The following TMC1 variants were observed in gnomAD, a reference collection of about 807,000 sequenced individuals.
TMC1 encodes transmembrane channel-like protein 1.
A neutral mutation model predicts 105.8 loss-of-function variants in TMC1; 84 were observed. The ratio of observed to expected loss-of-function variants is 0.79; its 90% CI spans 0.67 to 0.95. The LOEUF is 0.95. Ranked by LOEUF, TMC1 falls within the 40% of genes least tolerant of loss-of-function variation. TMC1 has a pLI of 0.00. For synonymous variants in TMC1, 315 were observed against 311.5 expected, an observed-to-expected ratio of 1.01 and a Z score of -0.12; for missense variants, 817 against 914.1, an observed-to-expected ratio of 0.89 and a Z score of 1.37.
At chr9:72,729,410 T>G (rs1478528077) in intron 8 of TMC1, among the ~76,000 whole-genome samples, 1 of 152,186 alleles carries the variant, frequency 6.6e-6, no homozygotes, top group Non-Finnish European at 1.5e-5. Flanking sequence ...TTGTTCTTAG[T>G]TTATTTACTG....
chr9:72,758,647 G>A (rs376223952), intron 12 of TMC1, among the ~76,000 whole-genome samples: 6 of 152,148 alleles, frequency 3.9e-5, no homozygotes, highest in Non-Finnish European at 8.8e-5. Context: ...CATAGAATGG[G>A]CAGAGATGTC....
At chr9:72,720,530 A>G (rs1827003868) in intron 8 of TMC1, among the ~76,000 whole-genome samples, 1 of 152,206 alleles carries the variant, frequency 6.6e-6, no homozygotes, top group African/African-American at 2.4e-5. Flanking sequence ...TGAGGTCCCA[A>G]TGGGGGCCAC....
At chr9:72,583,028 C>T (rs1265226263) in intron 2 of TMC1, among the ~76,000 whole-genome samples, 1 of 152,152 alleles carries the variant, frequency 6.6e-6, no homozygotes, top group East Asian at 1.9e-4. Flanking sequence ...TGAGACCAGC[C>T]TGGCCAACAT....
At position 72,603,858 on chromosome 9, in the gene TMC1, T is replaced by TG. The variant is rs1166566081; in HGVS notation, c.-305-12510_-305-12509insG. Among the ~76,000 whole-genome samples the TG allele has an allele frequency of 4.2e-3, 598 of 141,366 alleles. 4 individuals are homozygous for TG. Among genetic ancestry groups the TG allele is most frequent in the Middle Eastern group, 0.025 (7 of 282 alleles). 92.7% of individuals were successfully genotyped at this position (141,366 alleles called of 152,430 possible). On this transcript the variant is annotated intron_variant, in intron 2 of 23. Coordinates refer to ENST00000297784, the MANE Select transcript of TMC1 (RefSeq NM_138691.3). Reference sequence around the variant, plus strand: ...CCACTGCGACCGGCTGTTTTTTTTTTTTTTTTTTTTTTTTTTTTCTTTTTT... The same window carrying TG: ...CCACTGCGACCGGCTGTTTTTTTTTTGTTTTTTTTTTTTTTTTTTCTTTTTT...
intron 1 of TMC1, among the ~76,000 whole-genome samples, chr9:72,570,276 A>C (rs1824253972): frequency 7.0e-6 from 1 of 142,694 alleles, no homozygotes; most frequent in Non-Finnish European, 1.6e-5. Flanking sequence ...GTAAATACTT[A>C]TATACAAATT....
intron 17 of TMC1, among the ~76,000 whole-genome samples, chr9:72,803,041 A>G (rs1828503159): frequency 6.6e-6 from 1 of 152,176 alleles, no homozygotes; most frequent in African/African-American, 2.4e-5. Context: ...AGGCAGACAG[A>G]CCAGTGGAAC....
chr9:72,757,833 A>G (rs1235149158), intron 12 of TMC1, among the ~76,000 whole-genome samples: 1 of 152,216 alleles, frequency 6.6e-6, no homozygotes, highest in Non-Finnish European at 1.5e-5. Context: ...TACAAGAACC[A>G]TAACTTGACC....
chr9:72,776,705 T>C (rs1207637481), intron 13 of TMC1, among the ~76,000 whole-genome samples: 1 of 152,140 alleles, frequency 6.6e-6, no homozygotes, highest in African/African-American at 2.4e-5. Context: ...GTTATTCCTA[T>C]TGGATGGATG....
intron 20 of TMC1, among the ~76,000 whole-genome samples, chr9:72,826,605 GT>G (rs1255841260): frequency 6.6e-6 from 1 of 152,136 alleles, no homozygotes; most frequent in African/African-American, 2.4e-5. Context: ...TAGAAATACA[GT>G]TTTTAAAAAT....
chr9:72,549,749 T>A (rs1318062558), intron 1 of TMC1, among the ~76,000 whole-genome samples: 1 of 152,080 alleles, frequency 6.6e-6, no homozygotes, highest in African/African-American at 2.4e-5. Flanking sequence ...TAGCTGGGAC[T>A]ACAGGCATGT....
chr9:72,530,395 C>T (rs890804133), intron 1 of TMC1, among the ~76,000 whole-genome samples: 3 of 151,944 alleles, frequency 2.0e-5, no homozygotes, highest in African/African-American at 7.2e-5. Context: ...AGGCTGGTCT[C>T]AAACTCCTGA....
chr9:72,708,230 T>C (rs1826776740), intron 8 of TMC1, among the ~76,000 whole-genome samples: 1 of 152,206 alleles, frequency 6.6e-6, no homozygotes, highest in Non-Finnish European at 1.5e-5. Context: ...TTGCTTAGTC[T>C]TGATTTGGCT....
chr9:72,692,531 T>A (rs1294538298), intron 6 of TMC1, among the ~76,000 whole-genome samples: 2 of 152,166 alleles, frequency 1.3e-5, no homozygotes, highest in Admixed American at 6.5e-5. Flanking sequence ...TATTTTGTCA[T>A]CTTGTTGATG....
At chr9:72,710,827 T>C (rs2793146) in intron 8 of TMC1, among the ~76,000 whole-genome samples, 149,101 of 152,194 alleles carry the variant, frequency 0.98, 73,065 homozygotes, top group East Asian at 1. Flanking sequence ...GGTACATGTG[T>C]GGAATGTGCA....
At chr9:72,797,471 C>T (rs1347645272) in intron 17 of TMC1, among the ~76,000 whole-genome samples, 1 of 152,130 alleles carries the variant, frequency 6.6e-6, no homozygotes. Flanking sequence ...TCAAACTATA[C>T]TACAGGGCCA....
intron 12 of TMC1, among the ~76,000 whole-genome samples, chr9:72,769,347 G>A (rs557016641): frequency 6.6e-6 from 1 of 152,314 alleles, no homozygotes; most frequent in South Asian, 2.1e-4. Context: ...ACCAGTGAAG[G>A]TCAACATGCC....
chr9:72,648,451 C>T (rs960195459), intron 4 of TMC1, 146 bp from the exon 5 acceptor site: 5 of 632,830 alleles, frequency 7.9e-6, no homozygotes, highest in Non-Finnish European at 1.4e-5. Flanking sequence ...GCAAACTAAA[C>T]ATTCGTGAAA....
intron 1 of TMC1, among the ~76,000 whole-genome samples, chr9:72,576,684 G>C (rs1824387708): frequency 6.9e-6 from 1 of 144,664 alleles, no homozygotes; most frequent in African/African-American, 2.6e-5. Context: ...GGAGTGCAGT[G>C]GCACGATCTC....
chr9:72,620,500 C>T (rs921380489), intron 3 of TMC1, among the ~76,000 whole-genome samples: 1 of 152,124 alleles, frequency 6.6e-6, no homozygotes, highest in Non-Finnish European at 1.5e-5. Flanking sequence ...ATCCTCCTAC[C>T]TCAGCCTCTC....
Sources: gnomAD v4.1 joint callset for allele counts (sites outside exome capture counted in the v4.1 genomes callset) on GRCh38, gnomAD v4.1.1 for gene constraint, MANE v1.5 for transcripts, NCBI Gene and HGNC (gene_info 2026-07-23, HGNC 2026-07-21) for gene names.